Variants in PARD3 observed in about 807,000 individuals in gnomAD.
PARD3 encodes par-3 family cell polarity regulator.
A neutral mutation model predicts 155.4 loss-of-function variants in PARD3; 75 were observed. The observed-to-expected ratio is 0.48, with a 90% CI of 0.40 to 0.58. PARD3 has a LOEUF of 0.58. Among genes scored for constraint, PARD3 ranks in the 20% least tolerant of loss-of-function variants. PARD3 has a pLI of 0.00. For synonymous variants in PARD3, 576 were observed against 610.5 expected (o/e 0.94, Z 0.83); for missense variants, 1,642 against 1,721.7 (o/e 0.95, Z 0.82).
chr10:34,642,815 A>G (rs2092720960), intron 2 of PARD3, among the ~76,000 whole-genome samples: 1 of 152,004 alleles, frequency 6.6e-6, no homozygotes, highest in Non-Finnish European at 1.5e-5. Context: ...CCTAGACTAC[A>G]GGGCCTCTTA....
chr10:34,279,141 C>CTTTTTTTTTTTTTTTTT (rs143467605), intron 21 of PARD3, among the ~76,000 whole-genome samples: 1 of 102,038 alleles, frequency 9.8e-6, no homozygotes, highest in Non-Finnish European at 1.8e-5. Flanking sequence ...ATATTTTTTC[C>CTTTTTTTTTTTTTTTTT]TTTTTTTTTT....
chr10:34,704,722 A>C (rs1303576550), intron 1 of PARD3, among the ~76,000 whole-genome samples: 1 of 152,216 alleles, frequency 6.6e-6, no homozygotes, highest in Non-Finnish European at 1.5e-5. Context: ...CTATCTGATC[A>C]TGTGCACATG....
intron 2 of PARD3, among the ~76,000 whole-genome samples, chr10:34,684,924 A>C (rs924132513): frequency 8.6e-5 from 13 of 151,194 alleles, no homozygotes; most frequent in Non-Finnish European, 1.9e-4. Context: ...GTATAGTAGC[A>C]CTAAGCCCAA....
chr10:34,666,816 T>TATATATATATATATATATATACACAC (rs765552982), intron 2 of PARD3, among the ~76,000 whole-genome samples: 5 of 88,802 alleles, frequency 5.6e-5, no homozygotes, highest in African/African-American at 2.3e-4. Flanking sequence ...TATATATATA[T>TATATATATATATATATATATACACAC]ACACACACAC....
At chr10:34,424,236 C>T (rs563730189) in intron 5 of PARD3, among the ~76,000 whole-genome samples, 1 of 152,276 alleles carries the variant, frequency 6.6e-6, no homozygotes, top group African/African-American at 2.4e-5. Flanking sequence ...TCATCATTTT[C>T]TCTAACAAAC....
rs537773241 is a variant in PARD3, at chr10:34,435,194, G to GA, written c.714+15122dup. ...TACATTTTGATATTACAAATAACAGGAAAAAAAAAGGAAGTCACTGTGGCT... is the reference window on the plus strand; with the variant it reads ...TACATTTTGATATTACAAATAACAGGAAAAAAAAAAGGAAGTCACTGTGGCT... On this transcript the variant is annotated intron_variant, in intron 5 of 24. Transcript: ENST00000374788. Among the ~76,000 whole-genome samples the GA allele has an allele frequency of 7.4e-4, 111 of 150,588 alleles. 1 individual carries two copies. The highest frequency in any genetic ancestry group is 6.9e-3 in the South Asian group (33 of 4,764).
At chr10:34,209,697 T>A (rs1038783627) in intron 22 of PARD3, among the ~76,000 whole-genome samples, 1 of 152,214 alleles carries the variant, frequency 6.6e-6, no homozygotes, top group African/African-American at 2.4e-5. Context: ...ATATTCTGTG[T>A]ACTGTAATGT....
intron 12 of PARD3, among the ~76,000 whole-genome samples, chr10:34,362,162 G>A (rs1275730357): frequency 6.6e-6 from 1 of 152,084 alleles, no homozygotes; most frequent in Non-Finnish European, 1.5e-5. Flanking sequence ...AGCCAGGCGT[G>A]GTGGCGGGCA....
At chr10:34,217,099 G>A (rs1462155631) in intron 22 of PARD3, among the ~76,000 whole-genome samples, 1 of 152,032 alleles carries the variant, frequency 6.6e-6, no homozygotes, top group Non-Finnish European at 1.5e-5. Context: ...TGGGTGATAG[G>A]AAATCGTGGG....
chr10:34,689,280 G>A (rs765376904), intron 2 of PARD3, among the ~76,000 whole-genome samples: 27 of 152,156 alleles, frequency 1.8e-4, no homozygotes, highest in Non-Finnish European at 3.4e-4. Flanking sequence ...AGAGCCGTGC[G>A]ACCGACTGCA....
intron 1 of PARD3, among the ~76,000 whole-genome samples, chr10:34,805,891 G>A (rs1843317075): frequency 6.6e-6 from 1 of 151,904 alleles, no homozygotes; most frequent in African/African-American, 2.4e-5. Flanking sequence ...GCAGGAGAAT[G>A]GCGTGAACCT....
At chr10:34,339,505 C>T (rs533610842) in intron 16 of PARD3, among the ~76,000 whole-genome samples, 11 of 152,290 alleles carry the variant, frequency 7.2e-5, no homozygotes, top group South Asian at 2.1e-4. Context: ...CTGCCAATCT[C>T]GCCTGAAAAC....
intron 2 of PARD3, among the ~76,000 whole-genome samples, chr10:34,651,586 A>C (rs2093015503): frequency 6.6e-6 from 1 of 152,184 alleles, no homozygotes; most frequent in Non-Finnish European, 1.5e-5. Context: ...GTGAAGACAA[A>C]AACCATAAGC....
intron 2 of PARD3, among the ~76,000 whole-genome samples, chr10:34,549,490 T>C (rs2084364405): frequency 6.6e-6 from 1 of 152,086 alleles, no homozygotes; most frequent in Non-Finnish European, 1.5e-5. Context: ...CTGGTTTTTG[T>C]TTGTTTGTTT....
chr10:34,544,987 C>A (rs533402176), intron 2 of PARD3, among the ~76,000 whole-genome samples: 1 of 152,088 alleles, frequency 6.6e-6, no homozygotes, highest in Non-Finnish European at 1.5e-5. Context: ...GTATTGAGTT[C>A]GTGCACTCAA....
rs543143655 is a variant in PARD3 at position 34,783,779 on chromosome 10, T to C, written c.120+31097A>G. ...ATTACTCCAAAGCAAATACTATTAT[T>C]GGCTTAGTACGTTGCCAAATCACTT... On this transcript the variant is annotated intron_variant, in intron 1 of 24. Transcript: ENST00000374788. Among the ~76,000 whole-genome samples, 11 of 152,248 alleles carry C rather than the reference T, an allele frequency of 7.2e-5. No homozygotes were observed. In the South Asian group the frequency reaches 2.3e-3, roughly 32 times the overall value.
At chr10:34,124,838 CTACAAAACAAGCCAGGCACTT>C (rs913109640) in intron 23 of PARD3, among the ~76,000 whole-genome samples, 3 of 152,142 alleles carry the variant, frequency 2.0e-5, no homozygotes, top group Non-Finnish European at 4.4e-5. Context: ...AAAGGTTGCT[CTACAAAACAAGCCAGGCACTT>C]TAGTATCTGG....
intron 22 of PARD3, among the ~76,000 whole-genome samples, chr10:34,226,170 CAAA>C (rs935642878): frequency 9.9e-5 from 15 of 152,130 alleles, no homozygotes; most frequent in African/African-American, 3.4e-4. Flanking sequence ...ATTAATCAAA[CAAA>C]AAGATGTTCA....
intron 1 of PARD3, among the ~76,000 whole-genome samples, chr10:34,704,982 G>A (rs557606273): frequency 5.9e-5 from 9 of 152,142 alleles, no homozygotes; most frequent in East Asian, 5.8e-4. Context: ...AAAAGAGCAC[G>A]ATCAGCAGGA....
Sources: gnomAD v4.1 joint callset for allele counts (sites outside exome capture counted in the v4.1 genomes callset) on GRCh38, gnomAD v4.1.1 for gene constraint, MANE v1.5 for transcripts, NCBI Gene and HGNC (gene_info 2026-07-23, HGNC 2026-07-21) for gene names.